COL15A1: variants seen among roughly 807,000 people sequenced by gnomAD.
The protein encoded by COL15A1 is collagen type XV alpha 1 chain.
In COL15A1, 111 loss-of-function variants were observed where a neutral mutation model predicts 165.9. That is an observed-to-expected ratio of 0.67 (90% CI 0.57 to 0.78). The LOEUF (loss-of-function observed/expected upper bound fraction) is 0.78. Ranked by LOEUF, COL15A1 falls within the 30% of genes least tolerant of loss-of-function variation. COL15A1 has a pLI of 0.00. For missense variants in COL15A1, 1,745 were observed against 1,789.7 expected, an observed-to-expected ratio of 0.98 and a Z score of 0.45; for synonymous variants, 659 against 674.8, an observed-to-expected ratio of 0.98 and a Z score of 0.36.
chr9:99,028,947 C>T (rs1313843146), intron 16 of COL15A1, among the ~76,000 whole-genome samples: 1 of 152,078 alleles, frequency 6.6e-6, no homozygotes, highest in Non-Finnish European at 1.5e-5. Flanking sequence ...TTTATTTTTC[C>T]CAAATCAAGA....
At chr9:99,051,569 A>C (rs1179190489) in intron 30 of COL15A1, among the ~76,000 whole-genome samples, 1 of 152,218 alleles carries the variant, frequency 6.6e-6, no homozygotes, top group Admixed American at 6.5e-5. Flanking sequence ...TTATCAGCAT[A>C]GCCTGCAAGA....
intron 9 of COL15A1, among the ~76,000 whole-genome samples, chr9:99,009,987 C>T (rs1838824219): frequency 6.6e-6 from 1 of 152,194 alleles, no homozygotes; most frequent in South Asian, 2.1e-4. Flanking sequence ...TATAGAGAAA[C>T]TAAACTTATT....
intron 19 of COL15A1, 90 bp from the exon 20 acceptor site, chr9:99,036,080 T>G: frequency 9.0e-7 from 1 of 1,112,372 alleles, no homozygotes; most frequent in Non-Finnish European, 1.4e-6. Context: ...AAAATAAGCA[T>G]AAAAGCTTAG....
chr9:99,048,787 T>A (rs1839536245), intron 28 of COL15A1, among the ~76,000 whole-genome samples: 1 of 147,076 alleles, frequency 6.8e-6, no homozygotes. Flanking sequence ...TGGTGATAAC[T>A]ATTGCATGAG....
intron 2 of COL15A1, among the ~76,000 whole-genome samples, chr9:98,984,549 C>A (rs138700041): frequency 6.6e-6 from 1 of 152,172 alleles, no homozygotes. Context: ...TACCTAACCT[C>A]ATAGGTTTGT....
intron 22 of COL15A1, 41 bp from the exon 23 acceptor site, chr9:99,040,480 C>A: frequency 1.9e-6 from 3 of 1,614,110 alleles, no homozygotes; most frequent in Non-Finnish European, 2.5e-6. Flanking sequence ...TCTGGAAATG[C>A]CGCTCCTAAT....
intron 6 of COL15A1, among the ~76,000 whole-genome samples, chr9:98,999,569 G>C (rs1166605197): frequency 6.6e-6 from 1 of 151,080 alleles, no homozygotes; most frequent in Non-Finnish European, 1.5e-5. Context: ...TGTCACCCAG[G>C]CTGGAGCACA....
At position 99,002,135 on chromosome 9, in the gene COL15A1, C is replaced by T. The variant is rs1477791473; in HGVS notation, c.1065+1184C>T. On this transcript the variant is annotated intron_variant, in intron 7 of 41. Coordinates refer to ENST00000375001, the MANE Select transcript of COL15A1 (RefSeq NM_001855.5). ...CCTTCCCTCCTCTCTCCTTTTATTCCCTCCCTTCCTCTCCTCTCCTCTCCT... is the reference window on the plus strand; with the variant it reads ...CCTTCCCTCCTCTCTCCTTTTATTCTCTCCCTTCCTCTCCTCTCCTCTCCT... Among the ~76,000 whole-genome samples the T allele has an allele frequency of 5.3e-5, 6 of 112,526 alleles. No individual in the cohort carries two copies. The East Asian group carries it at 2.0e-3, about 38-fold the overall frequency. The allele number at this position is 112,526 out of a possible 152,430, so 73.8% of individuals were successfully genotyped here.
chr9:99,035,511 C>G, intron 19 of COL15A1, 93 bp downstream of exon 19: 1 of 1,490,022 alleles, frequency 6.7e-7, no homozygotes, highest in Non-Finnish European at 9.3e-7. Context: ...CTGCCACTTT[C>G]AATAACTCAC....
chr9:98,957,597 C>G (rs1174309946), intron 2 of COL15A1, among the ~76,000 whole-genome samples: 2 of 152,130 alleles, frequency 1.3e-5, no homozygotes, highest in Non-Finnish European at 2.9e-5. Context: ...AATCTCAAAC[C>G]AACAGAGTCT....
chr9:99,004,391 T>C (rs920501306), intron 8 of COL15A1, among the ~76,000 whole-genome samples: 1 of 152,052 alleles, frequency 6.6e-6, no homozygotes, highest in Non-Finnish European at 1.5e-5. Flanking sequence ...GAAACATCCA[T>C]TGAATTTGTC....
At chr9:98,961,915 G>A (rs562605936) in intron 2 of COL15A1, among the ~76,000 whole-genome samples, 198 of 152,354 alleles carry the variant, frequency 1.3e-3, no homozygotes, top group Middle Eastern at 3.4e-3. Context: ...AAAGCCCGGA[G>A]CCAGCACAAA....
At chr9:98,977,823 C>T (rs1024068975) in intron 2 of COL15A1, among the ~76,000 whole-genome samples, 5 of 152,258 alleles carry the variant, frequency 3.3e-5, no homozygotes, top group African/African-American at 1.2e-4. Context: ...TGAATCCCCA[C>T]ATGGGAAGTG....
rs1043584665 is a variant in COL15A1, at chr9:99,056,323, C to A, written c.3256C>A (p.Pro1086Thr). 18 of 1,613,932 alleles carry A rather than the reference C, an allele frequency of 1.1e-5. No homozygotes were observed. Among genetic ancestry groups the A allele is most frequent in the Non-Finnish European group, 1.4e-5 (16 of 1,180,032 alleles). Residue 1086 changes from proline (P) to threonine (T), a missense_variant, in exon 35 of 42, where the codon CCA (proline) becomes ACA (threonine). Pro to Thr is a conservative substitution (Grantham distance 38). Transcript: ENST00000375001. Reference protein sequence around the residue: ...GPPGAPGLPGPPGFGRPGDPG... With the variant: ...GPPGAPGLPGTPGFGRPGDPG... ...CCCAGGTGCTCCTGGTCTGCCTGGG[C>A]CACCTGGCTTTGGAAGACCTGGTGA... is the stretch of plus-strand genomic sequence containing the variant.
intron 39 of COL15A1, among the ~76,000 whole-genome samples, chr9:99,065,292 C>T (rs887593533): frequency 7.2e-5 from 11 of 152,170 alleles, no homozygotes; most frequent in African/African-American, 2.2e-4. Context: ...GGGGAAGCCT[C>T]ATTCCATCAA....
chr9:99,021,303 G>A (rs1425136332), intron 12 of COL15A1, among the ~76,000 whole-genome samples: 1 of 152,224 alleles, frequency 6.6e-6, no homozygotes, highest in African/African-American at 2.4e-5. Flanking sequence ...GGGCTGGGGA[G>A]GGCGGTGTCC....
intron 2 of COL15A1, among the ~76,000 whole-genome samples, chr9:98,976,257 G>A (rs1449536975): frequency 1.3e-5 from 2 of 152,272 alleles, no homozygotes; most frequent in East Asian, 1.9e-4. Context: ...CATTAATGAA[G>A]TGAGAGAATA....
chr9:99,040,652 C>T, intron 23 of COL15A1, 96 bp downstream of exon 23: 1 of 1,601,978 alleles, frequency 6.2e-7, no homozygotes, highest in Middle Eastern at 1.7e-4. Context: ...CTATGCATGA[C>T]TGAGCTCCAG....
intron 22 of COL15A1, among the ~76,000 whole-genome samples, chr9:99,040,081 A>G (rs1839374200): frequency 6.6e-6 from 1 of 152,194 alleles, no homozygotes; most frequent in Non-Finnish European, 1.5e-5. Flanking sequence ...ATTTCTATGA[A>G]AACCAATAAT....
Sources: gnomAD v4.1 joint callset for allele counts (sites outside exome capture counted in the v4.1 genomes callset) on GRCh38, gnomAD v4.1.1 for gene constraint, MANE v1.5 for transcripts, NCBI Gene and HGNC (gene_info 2026-07-23, HGNC 2026-07-21) for gene names.